EMILIN2: variants seen among roughly 807,000 people sequenced by gnomAD.
The protein encoded by EMILIN2 is EMILIN-2.
A neutral mutation model predicts 87.1 loss-of-function variants in EMILIN2; 71 were observed. The ratio of observed to expected loss-of-function variants is 0.82; its 90% confidence interval spans 0.67 to 0.99. The LOEUF (loss-of-function observed/expected upper bound fraction) is 0.99. Among genes scored for constraint, EMILIN2 ranks in the 50% least tolerant of loss-of-function variants. The probability of loss-of-function intolerance (pLI) is 0.00; values close to 1 mark genes in which losing one functional copy is unlikely to be tolerated. For synonymous variants in EMILIN2, 581 were observed against 563.4 expected, an observed-to-expected ratio of 1.03 and a Z score of -0.44; for missense variants, 1,407 against 1,371.8, an observed-to-expected ratio of 1.03 and a Z score of -0.40.
intron 2 of EMILIN2, among the ~76,000 whole-genome samples, chr18:2,874,979 A>T (rs551894995): frequency 1.4e-4 from 22 of 152,210 alleles, no homozygotes; most frequent in African/African-American, 5.3e-4. Flanking sequence ...ACTTCTCTTG[A>T]TGTACAGGAT....
At chr18:2,868,164 G>C (rs954604505) in intron 2 of EMILIN2, among the ~76,000 whole-genome samples, 8 of 151,222 alleles carry the variant, frequency 5.3e-5, no homozygotes, top group African/African-American at 1.9e-4. Context: ...TTCTCAGACG[G>C]GGTGGCTGGG....
In EMILIN2 at chr18:2,847,915, T is replaced by G. The variant is rs947280293; in HGVS notation, c.241T>G (p.Cys81Gly). The G allele has an allele frequency of 6.2e-7, 1 of 1,606,348 alleles. No homozygotes were observed. The highest frequency in any genetic ancestry group is 2.3e-5 in the East Asian group (1 of 44,390). Residue 81 changes from cysteine to glycine, a missense_variant, in exon 2 of 8, where the codon TGT becomes GGT. Physicochemically the swap from Cys to Gly is radical, Grantham distance 159. Coordinates refer to ENST00000254528, the MANE Select transcript of EMILIN2 (RefSeq NM_032048.3). The surrounding 1 kb of genome is among the most constrained non-coding windows in gnomAD (Gnocchi z 4.5). The stretch of plus-strand genomic sequence containing the variant: ...CAACTGTGCCTGGAACCAGATGCCC[T>G]GTCCGTCGGCGCTGGTGTAAGTCCT... ...QYNCAWNQMPCPSALVYRVNF... is the reference protein window; with the variant it reads ...QYNCAWNQMPGPSALVYRVNF...
intron 7 of EMILIN2, 34 bp downstream of exon 7, chr18:2,909,853 C>T (rs548209912): frequency 6.2e-7 from 1 of 1,601,338 alleles, no homozygotes; most frequent in Non-Finnish European, 8.5e-7. Context: ...ACTGTGTCCT[C>T]CTCCTACCCC....
chr18:2,859,487 A>C (rs1021355495), intron 2 of EMILIN2, among the ~76,000 whole-genome samples: 2 of 152,202 alleles, frequency 1.3e-5, no homozygotes, highest in African/African-American at 4.8e-5. Flanking sequence ...TCAGATGTAT[A>C]GACTGTGAAG....
In EMILIN2 at chr18:2,858,569, A is replaced by ATGTGTG. The variant is rs1178571289; in HGVS notation, c.257+10648_257+10653dup. 1.5e-3 allele frequency among the ~76,000 whole-genome samples: 83 copies of ATGTGTG among 55,362 alleles called. 8 individuals are homozygous for ATGTGTG. The highest frequency in any genetic ancestry group is 8.5e-3 in the African/African-American group (72 of 8,478). The allele number at this position is 55,362 out of a possible 152,430, so 36.3% of individuals were successfully genotyped here. ...TATATATATATATATATATATATAT[A>ATGTGTG]TGTGTGTGTGTGTGTATATATATAT... On this transcript the variant is annotated intron_variant, in intron 2 of 7. Transcript: ENST00000254528.
chr18:2,851,512 G>A (rs2076601636), intron 2 of EMILIN2, among the ~76,000 whole-genome samples: 1 of 152,122 alleles, frequency 6.6e-6, no homozygotes, highest in South Asian at 2.1e-4. Context: ...CGAGACTGAG[G>A]GTGAAACCGC....
chr18:2,866,480 G>T (rs967844980), intron 2 of EMILIN2, among the ~76,000 whole-genome samples: 6 of 152,188 alleles, frequency 3.9e-5, no homozygotes, highest in Non-Finnish European at 8.8e-5. Flanking sequence ...TTGATTCTCA[G>T]CTTGGTCACT....
At chr18:2,898,847 G>A (rs891303930) in intron 4 of EMILIN2, among the ~76,000 whole-genome samples, 10 of 152,186 alleles carry the variant, frequency 6.6e-5, no homozygotes, top group African/African-American at 2.4e-4. Flanking sequence ...AAGGTAGCAT[G>A]ATGGACTTAG....
chr18:2,886,714 C>G (rs1251006690), intron 3 of EMILIN2, among the ~76,000 whole-genome samples: 3 of 152,186 alleles, frequency 2.0e-5, no homozygotes, highest in African/African-American at 7.2e-5. Context: ...AATAGATTTT[C>G]TTTCCTACGC....
At chr18:2,909,668 A>G (rs1201599247) in intron 6 of EMILIN2, 23 bp from the exon 7 acceptor site, 2 of 1,612,868 alleles carry the variant, frequency 1.2e-6, no homozygotes, top group Non-Finnish European at 1.7e-6. Context: ...GGGTCAATCC[A>G]TTCCATCCTT....
chr18:2,875,595 ACTCCCCAC>A (rs2076743645), intron 2 of EMILIN2, among the ~76,000 whole-genome samples: 1 of 151,534 alleles, frequency 6.6e-6, no homozygotes. Context: ...CCCCACACTC[ACTCCCCAC>A]CTCCCCACGC....
intron 2 of EMILIN2, among the ~76,000 whole-genome samples, chr18:2,882,993 T>C (rs1392627794): frequency 1.3e-5 from 2 of 152,108 alleles, no homozygotes; most frequent in African/African-American, 4.8e-5. Context: ...TGTACCATGA[T>C]TGTACCACTG....
intron 4 of EMILIN2, among the ~76,000 whole-genome samples, chr18:2,902,958 A>T (rs899496362): frequency 3.9e-5 from 6 of 152,130 alleles, no homozygotes; most frequent in Non-Finnish European, 7.3e-5. Flanking sequence ...AGGGGAGAAA[A>T]TAAGGGCCAG....
At chr18:2,863,896 T>G (rs1250700204) in intron 2 of EMILIN2, among the ~76,000 whole-genome samples, 43 of 152,150 alleles carry the variant, frequency 2.8e-4, no homozygotes, top group South Asian at 8.3e-4. Flanking sequence ...TTATGAATCT[T>G]GGTGCTCCTG....
chr18:2,893,935 G>A (rs1240545138), intron 4 of EMILIN2, among the ~76,000 whole-genome samples: 2 of 152,148 alleles, frequency 1.3e-5, no homozygotes, highest in East Asian at 3.9e-4. Context: ...AGACTTACTT[G>A]GTCCATGGGG....
Position 2,904,875 on chromosome 18 carries a change from A to G in EMILIN2, c.2360-1908A>G, listed in dbSNP as rs75362350. Among the ~76,000 whole-genome samples the G allele has an allele frequency of 8.4e-3, 1,277 of 152,306 alleles. 17 individuals are homozygous for G. The highest frequency in any genetic ancestry group is 0.029 in the African/African-American group (1,192 of 41,554). On this transcript the variant is annotated intron_variant, in intron 4 of 7. Coordinates refer to ENST00000254528, the MANE Select transcript of EMILIN2 (RefSeq NM_032048.3). ...TAGGGTCAATTTGAAGAATCCTCCT[A>G]TATCCAGCTAGAGGTATAAGCAAGT...
chr18:2,863,185 A>C (rs2076669760), intron 2 of EMILIN2, among the ~76,000 whole-genome samples: 1 of 152,092 alleles, frequency 6.6e-6, no homozygotes, highest in Admixed American at 6.6e-5. Context: ...GGATTCATTG[A>C]TTCTTTTGAA....
In EMILIN2 at chr18:2,847,818, C is replaced by T. The variant is rs764039184; in HGVS notation, c.144C>T (p.Cys48=). The change falls in exon 2 of 8, where the codon TGC becomes TGT. Residue 48 remains cysteine (C), a synonymous_variant. Coordinates refer to ENST00000254528, the MANE Select transcript of EMILIN2 (RefSeq NM_032048.3). This position sits in a 1 kb window ranked among gnomAD's most constrained non-coding sequence, Gnocchi z 4.5. ...CTCTCCTGCACCCCAGGAACTGGTG[C>T]GCCTACATCGTGAACAAGAATGTGA... ...ARPSARNKNW[C]AYIVNKNVSC... The T allele has an allele frequency of 6.8e-6, 11 of 1,613,086 alleles. No homozygotes were observed. Among genetic ancestry groups the T allele is most frequent in the African/African-American group, 6.7e-5 (5 of 74,916 alleles).
chr18:2,879,888 A>G (rs1031499942), intron 2 of EMILIN2, among the ~76,000 whole-genome samples: 17 of 151,962 alleles, frequency 1.1e-4, no homozygotes, highest in African/African-American at 4.1e-4. Flanking sequence ...AAAGATTTTT[A>G]GTAGAGATGA....
Sources: gnomAD v4.1 joint callset for allele counts (sites outside exome capture counted in the v4.1 genomes callset) on GRCh38, gnomAD v4.1.1 for gene constraint, Gnocchi (gnomAD v3.1) non-coding constraint, MANE v1.5 for transcripts, NCBI Gene and HGNC (gene_info 2026-07-23, HGNC 2026-07-21) for gene names.